The following MZT2B variants were observed in gnomAD, a reference collection of about 807,000 sequenced individuals.
MZT2B encodes mitotic spindle organizing protein 2B.
Under a neutral mutation model 12.1 loss-of-function variants are expected in MZT2B, and 11 were observed. That is an observed-to-expected ratio of 0.91 (90% CI 0.57 to 1.50). The LOEUF (loss-of-function observed/expected upper bound fraction) is 1.50. MZT2B is among the 40% of genes most tolerant of loss of function. The pLI, the probability that MZT2B is intolerant of heterozygous loss-of-function variation, is 0.00. For synonymous variants in MZT2B, 85 were observed against 109.5 expected (o/e 0.78, Z 1.40); for missense variants, 209 against 227.7 (o/e 0.92, Z 0.53).
chr2:130,181,714 G>A, upstream of MZT2B: 8 of 1,548,418 alleles, frequency 5.2e-6, no homozygotes, highest in Non-Finnish European at 7.0e-6. Flanking sequence ...GGGCGGGGAA[G>A]AGAAATGGCG....
chr2:130,200,600 C>T, the MZT2B span, among the ~76,000 whole-genome samples: 3 of 152,192 alleles, frequency 2.0e-5, no homozygotes, highest in Non-Finnish European at 2.9e-5. Flanking sequence ...TCACATAACT[C>T]AAAGTGCTGT....
rs977274690 is a variant in MZT2B, at chr2:130,183,950, G to C, written c.319+1175G>C. ...GTTCCCTCCGCCTCTCTTGCTGCCT[G>C]TTCTCTCCTTTTGCAGGTTGCGTTT... On this transcript the variant is annotated intron_variant, in intron 2 of 2. Transcript: ENST00000281871. The C allele has an allele frequency of 2.6e-6, 4 of 1,550,536 alleles. No individual in the cohort carries two copies. The South Asian group carries it at 4.8e-5, about 18-fold the overall frequency.
At chr2:130,184,968 C>G in intron 2 of MZT2B, 6 of 809,906 alleles carry the variant, frequency 7.4e-6, no homozygotes, top group Non-Finnish European at 9.0e-6. Context: ...AGTTCAAGAC[C>G]AGCCTGGGCA....
the MZT2B span, among the ~76,000 whole-genome samples, chr2:130,202,839 C>T: frequency 6.6e-6 from 1 of 152,082 alleles, no homozygotes; most frequent in Non-Finnish European, 1.5e-5. Context: ...CCAGTGACCT[C>T]GTCCTTCTCT....
chr2:130,189,380 G>T lies in MZT2B; in HGVS notation c.320-1089G>T, dbSNP rs181449330. Among the ~76,000 whole-genome samples, 206 of 152,314 alleles carry T rather than the reference G, an allele frequency of 1.4e-3. 1 individual carries two copies. The highest frequency in any genetic ancestry group is 4.6e-3 in the African/African-American group (190 of 41,568). ...AGTGTCTGGTAACATGCAAGCCCCA[G>T]CCAGGGTTTGAGCCTGCAGGGGGAA... is the stretch of plus-strand genomic sequence containing the variant. On this transcript the variant is annotated intron_variant, in intron 2 of 2. Transcript: ENST00000281871.
intron 2 of MZT2B, chr2:130,184,002 T>G (rs1408810393): frequency 1.1e-5 from 17 of 1,550,440 alleles, no homozygotes; most frequent in African/African-American, 2.7e-5. Context: ...GGGTTGGTGC[T>G]CTCCCTTGTT....
chr2:130,189,777 A>C (rs1219300329), intron 2 of MZT2B, among the ~76,000 whole-genome samples: 1 of 152,234 alleles, frequency 6.6e-6, no homozygotes, highest in East Asian at 1.9e-4. Context: ...AGCAAATTAC[A>C]AATCAAAGAA....
downstream of MZT2B, among the ~76,000 whole-genome samples, chr2:130,191,022 T>C (rs1325673285): frequency 2.6e-5 from 4 of 152,166 alleles, no homozygotes; most frequent in Non-Finnish European, 4.4e-5. Flanking sequence ...CGATCTCGGC[T>C]CACTACAAGC....
chr2:130,200,418 C>CTCTATATTG, the MZT2B span, among the ~76,000 whole-genome samples: 1 of 147,304 alleles, frequency 6.8e-6, no homozygotes, highest in South Asian at 2.1e-4. Flanking sequence ...TATTTATTGT[C>CTCTATATTG]TCTACATTGT....
downstream of MZT2B, chr2:130,191,663 G>A (rs1229641689): frequency 2.9e-5 from 36 of 1,261,012 alleles, no homozygotes; most frequent in Non-Finnish European, 3.2e-6. Flanking sequence ...AGGGCAGGCT[G>A]GCACCCCACC....
At chr2:130,191,270 G>T (rs1690251419), downstream of MZT2B, among the ~76,000 whole-genome samples, 1 of 152,224 alleles carries the variant, frequency 6.6e-6, no homozygotes, top group African/African-American at 2.4e-5. Context: ...CTGCCTTCCA[G>T]GTTACCGTGG....
rs1043173 is a variant in MZT2B, at chr2:130,190,646, G to A, written c.*20G>A. On this transcript the variant is annotated 3_prime_UTR_variant, in exon 3 of 3. Transcript: ENST00000281871. ...ACCTAGGATGGGGCAGAGACTTGTT[G>A]CATCTTTGTCCCCAGCAAAGGCTAC... 1 of 1,588,134 alleles carries A rather than the reference G, an allele frequency of 6.3e-7. No individual in the cohort carries two copies.
chr2:130,184,332 G>T, intron 2 of MZT2B: 1 of 985,448 alleles, frequency 1.0e-6, no homozygotes, highest in Non-Finnish European at 1.2e-6. Flanking sequence ...CTTAGAAGTT[G>T]TCCCTTATCT....
At chr2:130,191,110 C>T (rs1380547049), downstream of MZT2B, among the ~76,000 whole-genome samples, 12 of 151,990 alleles carry the variant, frequency 7.9e-5, no homozygotes, top group Non-Finnish European at 1.5e-4. Flanking sequence ...TCACCACGCC[C>T]GGCTAATTTT....
At chr2:130,182,800 G>C in intron 2 of MZT2B, 25 bp downstream of exon 2, 1 of 1,422,728 alleles carries the variant, frequency 7.0e-7, no homozygotes, top group Non-Finnish European at 9.3e-7. Context: ...CGCTGTCCCT[G>C]CCCCAGTGGC....
chr2:130,195,365 G>A, downstream of MZT2B: 4 of 1,319,810 alleles, frequency 3.0e-6, no homozygotes, highest in Admixed American at 4.8e-5. Context: ...AACAGTGGCA[G>A]TGTCTGGTAG....
At chr2:130,181,856 C>A, upstream of MZT2B, 3 of 1,535,320 alleles carry the variant, frequency 2.0e-6, no homozygotes, top group African/African-American at 1.4e-5. Flanking sequence ...GATTAGTGCC[C>A]CCCCCTTCCC....
chr2:130,184,109 G>A (rs1280907998), intron 2 of MZT2B: 6 of 1,532,142 alleles, frequency 3.9e-6, no homozygotes, highest in Non-Finnish European at 5.3e-6. Flanking sequence ...TAGCCACAGG[G>A]CACGATTTCT....
At chr2:130,192,002 C>T, downstream of MZT2B, 1 of 1,614,144 alleles carries the variant, frequency 6.2e-7, no homozygotes, top group South Asian at 1.1e-5. Flanking sequence ...TGAGATCGAA[C>T]TTATGGACCA....
Sources: allele counts gnomAD v4.1 joint callset (sites outside exome capture counted in the v4.1 genomes callset), GRCh38; gene constraint gnomAD v4.1.1; transcripts MANE v1.5; gene names NCBI Gene and HGNC (gene_info 2026-07-23, HGNC 2026-07-21).